The following RBPJ variants were observed in gnomAD, a reference collection of about 807,000 sequenced individuals.
The protein encoded by RBPJ is recombining binding protein suppressor of hairless.
Under a neutral mutation model 67.8 loss-of-function variants are expected in RBPJ, and 9 were observed. The ratio of observed to expected loss-of-function variants is 0.13; its 90% CI spans 0.08 to 0.23. RBPJ has a LOEUF of 0.23. RBPJ is among the 10% of genes least tolerant of loss of function. The pLI is 1.00. For missense variants in RBPJ, 305 were observed against 595.6 expected, an observed-to-expected ratio of 0.51 and a Z score of 5.08; for synonymous variants, 198 against 203.3, an observed-to-expected ratio of 0.97 and a Z score of 0.22.
intron 1 of RBPJ, among the ~76,000 whole-genome samples, chr4:26,294,216 G>A (rs546384494): frequency 6.6e-6 from 1 of 152,040 alleles, no homozygotes; most frequent in East Asian, 1.9e-4. Context: ...TCCTGCCTCA[G>A]CCTCCCGAGT....
intron 1 of RBPJ, among the ~76,000 whole-genome samples, chr4:26,273,278 G>C (rs1280891575): frequency 6.6e-6 from 1 of 152,142 alleles, no homozygotes; most frequent in Non-Finnish European, 1.5e-5. Context: ...ACATTAAAGA[G>C]AACTGTTACC....
At position 26,211,841 on chromosome 4, in the gene RBPJ, G is replaced by GTAATTAAGTAATTAAGTAA. The variant is rs1718434686; in HGVS notation, c.-167+48228_-167+48229insAATTAAGTAATTAAGTAAT. On this transcript the variant is annotated intron_variant, in intron 1 of 4. Coordinates refer to the RBPJ transcript ENST00000512351. ...AATAGGGTCATTATAGAAGTAATTA[G>GTAATTAAGTAATTAAGTAA]TTAAGATGAGATCATACTGGAGTAC... 2.6e-5 allele frequency among the ~76,000 whole-genome samples: 4 copies of GTAATTAAGTAATTAAGTAA among 152,284 alleles called. 1 individual carries two copies. In the South Asian group the frequency reaches 8.3e-4, roughly 32 times the overall value.
chr4:26,275,007 G>A (rs1721032212), intron 1 of RBPJ, among the ~76,000 whole-genome samples: 1 of 152,190 alleles, frequency 6.6e-6, no homozygotes, highest in African/African-American at 2.4e-5. Context: ...ACCAGGGCTA[G>A]AGGAAGGGAT....
chr4:26,420,647 A>G lies in RBPJ; in HGVS notation c.418A>G (p.Ile140Val). 6.2e-7 allele frequency: 1 copy of G among 1,614,082 alleles called. No individual in the cohort carries two copies. Among genetic ancestry groups the G allele is most frequent in the Admixed American group, 1.7e-5 (1 of 60,018 alleles). ...GATGTTCTATGGCAACAGTGATGAC[A>G]TTGGTGTGTTCCTCAGCAAGCGGAT... Reference protein sequence around the residue: ...VKMFYGNSDDIGVFLSKRIKV... With the variant: ...VKMFYGNSDDVGVFLSKRIKV... Residue 140 changes from isoleucine to valine, a missense_variant, in exon 5 of 11, where the codon ATT (isoleucine) becomes GTT (valine). Ile to Val is a conservative substitution (Grantham distance 29). This residue lies in a region of RBPJ where 79 missense variants were observed against 106.2 expected (regional missense o/e 0.74). Transcript: ENST00000355476.
chr4:26,361,130 A>C (rs1728021952), intron 1 of RBPJ, among the ~76,000 whole-genome samples: 1 of 151,502 alleles, frequency 6.6e-6, no homozygotes, highest in Non-Finnish European at 1.5e-5. Context: ...AAGGGGCCAG[A>C]GGGATGGACT....
chr4:26,280,751 T>A (rs1468783892), intron 1 of RBPJ, among the ~76,000 whole-genome samples: 2 of 152,100 alleles, frequency 1.3e-5, no homozygotes, highest in East Asian at 1.9e-4. Context: ...ATAAAAAAAA[T>A]TTAAAGCAAA....
chr4:26,327,181 A>G (rs1392265567), intron 1 of RBPJ, among the ~76,000 whole-genome samples: 1 of 152,168 alleles, frequency 6.6e-6, no homozygotes, highest in Non-Finnish European at 1.5e-5. Flanking sequence ...GCTTAAGGGA[A>G]TTAAATGATA....
At chr4:26,129,950 C>G in the RBPJ span, among the ~76,000 whole-genome samples, 1 of 152,156 alleles carries the variant, frequency 6.6e-6, no homozygotes, top group Non-Finnish European at 1.5e-5. Context: ...CAACCTCTGC[C>G]TCCCAGGTCC....
At chr4:26,135,306 C>T in the RBPJ span, among the ~76,000 whole-genome samples, 6 of 152,182 alleles carry the variant, frequency 3.9e-5, no homozygotes, top group East Asian at 1.9e-4. Context: ...AACTTGCATC[C>T]GTCCCCTCAT....
chr4:26,230,431 A>G (rs1211454811), intron 1 of RBPJ, among the ~76,000 whole-genome samples: 1 of 152,254 alleles, frequency 6.6e-6, no homozygotes, highest in African/African-American at 2.4e-5. Flanking sequence ...CTTTACATAT[A>G]TTAACTGCTT....
At chr4:26,308,840 A>C (rs1244685473) in intron 1 of RBPJ, among the ~76,000 whole-genome samples, 3 of 152,186 alleles carry the variant, frequency 2.0e-5, no homozygotes, top group Non-Finnish European at 2.9e-5. Context: ...TCTTTGAAAG[A>C]GTGATAAAGG....
chr4:26,109,577 C>A, the RBPJ span, among the ~76,000 whole-genome samples: 632 of 49,484 alleles, frequency 0.013, 82 homozygotes, highest in Middle Eastern at 0.025. Flanking sequence ...CTCTCTCTCT[C>A]TCTATATATA....
At chr4:26,214,491 A>AGGAGGGAG (rs1227751911) in intron 1 of RBPJ, among the ~76,000 whole-genome samples, 2 of 96,142 alleles carry the variant, frequency 2.1e-5, no homozygotes. Context: ...CAAGGAGGGA[A>AGGAGGGAG]GGAGGGAGGG....
At chr4:26,295,274 G>A (rs996175300) in intron 1 of RBPJ, among the ~76,000 whole-genome samples, 2 of 151,934 alleles carry the variant, frequency 1.3e-5, no homozygotes, top group African/African-American at 2.4e-5. Context: ...GTGTGTGGGT[G>A]TGTGTGTGTG....
chr4:26,158,983 C>A (rs1716029515), upstream of RBPJ, among the ~76,000 whole-genome samples: 1 of 138,270 alleles, frequency 7.2e-6, no homozygotes, highest in Non-Finnish European at 1.6e-5. Context: ...CTCTCTCTCT[C>A]AATTTAGTCC....
intron 1 of RBPJ, among the ~76,000 whole-genome samples, chr4:26,286,385 A>T (rs975229836): frequency 6.0e-5 from 9 of 150,962 alleles, no homozygotes; most frequent in Admixed American, 4.0e-4. Context: ...AGGCTGAAGG[A>T]TCACATGAGC....
At chr4:26,151,310 G>A in the RBPJ span, among the ~76,000 whole-genome samples, 1 of 152,190 alleles carries the variant, frequency 6.6e-6, no homozygotes, top group Non-Finnish European at 1.5e-5. Flanking sequence ...ATGGTTGCCA[G>A]CAAATTGAAC....
intron 1 of RBPJ, among the ~76,000 whole-genome samples, chr4:26,224,307 GCAA>G: frequency 6.6e-6 from 1 of 152,114 alleles, no homozygotes; most frequent in East Asian, 1.9e-4. Context: ...TCGGCTCACT[GCAA>G]CCTCTGCCTC....
chr4:26,192,261 C>A (rs1008391737), intron 1 of RBPJ, among the ~76,000 whole-genome samples: 8 of 152,160 alleles, frequency 5.3e-5, no homozygotes, highest in Admixed American at 1.3e-4. Flanking sequence ...CCCGCCTCGA[C>A]CTCCCAAAGT....
Sources: gnomAD v4.1 joint callset for allele counts (sites outside exome capture counted in the v4.1 genomes callset) on GRCh38, gnomAD v4.1.1 for gene constraint, gnomAD v4.1.1 regional missense constraint, MANE v1.5 for transcripts, NCBI Gene and HGNC (gene_info 2026-07-23, HGNC 2026-07-21) for gene names.